Variants in DLGAP2 observed in about 807,000 individuals in gnomAD.
The protein encoded by DLGAP2 is disks large-associated protein 2.
A neutral mutation model predicts 100.3 loss-of-function variants in DLGAP2; 26 were observed. The ratio of observed to expected loss-of-function variants is 0.26; its 90% CI spans 0.19 to 0.36. DLGAP2 has a LOEUF of 0.36. DLGAP2 is among the 10% of genes least tolerant of loss of function. The pLI, the probability that DLGAP2 is intolerant of heterozygous loss-of-function variation, is 1.00. For missense variants in DLGAP2, 1,858 were observed against 1,453.2 expected (o/e 1.28, Z -4.53); for synonymous variants, 886 against 630.1 (o/e 1.41, Z -6.08).
intron 3 of DLGAP2, among the ~76,000 whole-genome samples, chr8:1,469,102 A>T (rs1563167562): frequency 6.6e-6 from 1 of 151,818 alleles, no homozygotes; most frequent in Non-Finnish European, 1.5e-5. Context: ...CATTCTATGA[A>T]AGAAATCCAT....
chr8:1,164,282 G>A (rs979656098), intron 2 of DLGAP2, among the ~76,000 whole-genome samples: 5 of 118,694 alleles, frequency 4.2e-5, no homozygotes, highest in South Asian at 5.3e-4. Context: ...GGTTTGTGGG[G>A]ACTGATTGTG....
At chr8:1,269,179 C>G (rs926199295) in intron 3 of DLGAP2, among the ~76,000 whole-genome samples, 9 of 152,238 alleles carry the variant, frequency 5.9e-5, no homozygotes, top group African/African-American at 2.2e-4. Flanking sequence ...GTTGCTGCTT[C>G]CTTCCCTGCC....
rs555233155 is a variant in DLGAP2, at chr8:915,321, G to A, written c.73+7355G>A. Among the ~76,000 whole-genome samples the A allele has an allele frequency of 2.9e-3, 449 of 152,316 alleles. 5 individuals carry two copies. Among genetic ancestry groups the A allele is most frequent in the Non-Finnish European group, 4.5e-3 (309 of 68,032 alleles). ...CCAGCGCTTTGGGAGGCCGAGGTGG[G>A]TGGATCACAAGGTCAGGAGATCGGG... is the stretch of plus-strand genomic sequence containing the variant. On this transcript the variant is annotated intron_variant, in intron 2 of 14. Coordinates refer to ENST00000637795, the MANE Select transcript of DLGAP2 (RefSeq NM_001346810.2).
chr8:1,044,734 C>T (rs1802469645), intron 2 of DLGAP2, among the ~76,000 whole-genome samples: 1 of 152,234 alleles, frequency 6.6e-6, no homozygotes, highest in Non-Finnish European at 1.5e-5. Context: ...CACATTTCAG[C>T]TCCCTGTGTC....
chr8:769,555 G>C (rs113260320), intron 1 of DLGAP2, among the ~76,000 whole-genome samples: 11 of 152,158 alleles, frequency 7.2e-5, no homozygotes, highest in African/African-American at 2.4e-4. Context: ...GAAAGTTTGG[G>C]AAGGAACAGA....
intron 2 of DLGAP2, among the ~76,000 whole-genome samples, chr8:1,126,337 G>A (rs1418938158): frequency 2.0e-5 from 3 of 151,922 alleles, no homozygotes; most frequent in East Asian, 1.9e-4. Flanking sequence ...GAGAAGAAGA[G>A]ACACAGGCAG....
chr8:1,668,279 G>T, intron 8 of DLGAP2, 50 bp from the exon 9 acceptor site: 1 of 1,434,618 alleles, frequency 7.0e-7, no homozygotes, highest in South Asian at 1.5e-5. Flanking sequence ...TAGACCACAG[G>T]CTGACGGGGA....
intron 1 of DLGAP2, among the ~76,000 whole-genome samples, chr8:810,395 G>A (rs972507675): frequency 2.6e-5 from 4 of 152,196 alleles, no homozygotes; most frequent in Admixed American, 2.6e-4. Flanking sequence ...CACATTTTAT[G>A]CTTGTGGCAA....
At chr8:1,641,890 ACCTGTGTCACCCTCG>A (rs1797911539) in intron 8 of DLGAP2, among the ~76,000 whole-genome samples, 2 of 128,702 alleles carry the variant, frequency 1.6e-5, no homozygotes, top group East Asian at 4.3e-4. Context: ...GCCGGTCCTC[ACCTGTGTCACCCTCG>A]ACCCCGCCGG....
chr8:1,582,896 G>C (rs1159110975), intron 6 of DLGAP2, among the ~76,000 whole-genome samples: 1 of 152,114 alleles, frequency 6.6e-6, no homozygotes, highest in East Asian at 1.9e-4. Context: ...TGAAAGAAGA[G>C]GGCAGCAGGA....
intron 2 of DLGAP2, among the ~76,000 whole-genome samples, chr8:1,094,081 G>C (rs1348569003): frequency 2.0e-5 from 3 of 152,044 alleles, no homozygotes; most frequent in African/African-American, 7.2e-5. Context: ...CGAGGTGGGC[G>C]GAGGGCAGCT....
rs139398335 is a variant in DLGAP2, at chr8:1,463,822, G to A, written c.107-37544G>A. ...CCACGAGGGCTTCAGGAGCTGTGGA[G>A]GCGATGGTGTGGTTTGAGCTGATTC... On this transcript the variant is annotated intron_variant, in intron 3 of 14. Transcript: ENST00000637795. 1.1e-3 allele frequency among the ~76,000 whole-genome samples: 174 copies of A among 152,356 alleles called. 1 individual carries two copies. The highest frequency in any genetic ancestry group is 3.9e-3 in the African/African-American group (163 of 41,592).
chr8:1,427,229 C>T (rs1232462994), intron 3 of DLGAP2, among the ~76,000 whole-genome samples: 2 of 152,054 alleles, frequency 1.3e-5, no homozygotes, highest in East Asian at 1.9e-4. Context: ...TTATAGATTT[C>T]AGTATATTTT....
At chr8:1,085,384 T>G (rs191449092) in intron 2 of DLGAP2, among the ~76,000 whole-genome samples, 1 of 152,266 alleles carries the variant, frequency 6.6e-6, no homozygotes, top group African/African-American at 2.4e-5. Context: ...TCTCTGTCTA[T>G]GCTTTTGTTA....
chr8:1,691,649 C>T (rs1194375069), intron 13 of DLGAP2, 23 bp downstream of exon 13: 28 of 1,571,174 alleles, frequency 1.8e-5, no homozygotes, highest in Non-Finnish European at 2.1e-5. Flanking sequence ...TCAGTGAACC[C>T]CTGTTCCCTG....
intron 2 of DLGAP2, among the ~76,000 whole-genome samples, chr8:933,551 G>T (rs1308524917): frequency 7.7e-6 from 1 of 129,472 alleles, no homozygotes; most frequent in Non-Finnish European, 1.6e-5. Context: ...TGAGGGGAGG[G>T]TGAGGGCAGA....
At chr8:1,445,401 C>T (rs1056892975) in intron 3 of DLGAP2, among the ~76,000 whole-genome samples, 12 of 151,718 alleles carry the variant, frequency 7.9e-5, no homozygotes, top group African/African-American at 2.9e-4. Flanking sequence ...CATCCATGTC[C>T]CTACAAAGGA....
At chr8:863,227 T>C (rs1467395656) in intron 1 of DLGAP2, among the ~76,000 whole-genome samples, 1 of 152,128 alleles carries the variant, frequency 6.6e-6, no homozygotes, top group Non-Finnish European at 1.5e-5. Flanking sequence ...GGACTGGAAA[T>C]TGGGGTCTGG....
At chr8:1,440,742 G>A (rs1797806353) in intron 3 of DLGAP2, among the ~76,000 whole-genome samples, 1 of 152,306 alleles carries the variant, frequency 6.6e-6, no homozygotes, top group Non-Finnish European at 1.5e-5. Flanking sequence ...CCCGACATTG[G>A]TGGAGGCAAG....
Sources: allele counts gnomAD v4.1 joint callset (sites outside exome capture counted in the v4.1 genomes callset), GRCh38; gene constraint gnomAD v4.1.1; transcripts MANE v1.5; gene names NCBI Gene and HGNC (gene_info 2026-07-23, HGNC 2026-07-21).